The following ADGRL3 variants were observed in gnomAD, a reference collection of about 807,000 sequenced individuals.
ADGRL3 encodes adhesion G protein-coupled receptor L3, also known as calcium-independent alpha-latrotoxin receptor 3.
In ADGRL3, 62 loss-of-function variants were observed where a neutral mutation model predicts 153.5. The observed-to-expected ratio is 0.40, with a 90% CI of 0.33 to 0.50. The LOEUF is 0.50. Ranked by LOEUF, ADGRL3 falls within the 20% of genes least tolerant of loss-of-function variation. The pLI, the probability that ADGRL3 is intolerant of heterozygous loss-of-function variation, is 0.47. For synonymous variants in ADGRL3, 710 were observed against 672.5 expected (o/e 1.06, Z -0.86); for missense variants, 1,641 against 1,859.4 (o/e 0.88, Z 2.16).
At chr4:61,446,214 T>C (rs1462644083) in intron 2 of ADGRL3, among the ~76,000 whole-genome samples, 2 of 152,182 alleles carry the variant, frequency 1.3e-5, no homozygotes, top group Non-Finnish European at 2.9e-5. Context: ...CACTTTCTTT[T>C]GTAAGTGGAA....
At chr4:61,407,494 T>C (rs981531091) in intron 2 of ADGRL3, among the ~76,000 whole-genome samples, 1 of 152,130 alleles carries the variant, frequency 6.6e-6, no homozygotes, top group African/African-American at 2.4e-5. Context: ...TCTCACAAAT[T>C]TTCTGTATTC....
intron 9 of ADGRL3, among the ~76,000 whole-genome samples, chr4:61,857,084 TTTTCTTTCTTTC>T (rs1043841689): frequency 2.7e-5 from 4 of 150,656 alleles, no homozygotes; most frequent in Non-Finnish European, 4.4e-5. Context: ...TTCTTTCTTT[TTTTCTTTCTTTC>T]TTTCTTTTCT....
intron 1 of ADGRL3, among the ~76,000 whole-genome samples, chr4:61,317,269 A>G (rs974966991): frequency 1.3e-5 from 2 of 152,214 alleles, no homozygotes; most frequent in Non-Finnish European, 2.9e-5. Flanking sequence ...TGGCAGACCA[A>G]TATCTTAGCT....
intron 4 of ADGRL3, among the ~76,000 whole-genome samples, chr4:61,528,227 A>G (rs908897840): frequency 6.6e-6 from 1 of 152,112 alleles, no homozygotes; most frequent in African/African-American, 2.4e-5. Context: ...GAAAAATTCT[A>G]TCACTTGCAG....
intron 8 of ADGRL3, among the ~76,000 whole-genome samples, chr4:61,754,682 A>C (rs900533776): frequency 6.6e-6 from 1 of 152,058 alleles, no homozygotes; most frequent in Non-Finnish European, 1.5e-5. Context: ...GGTTAGTTAC[A>C]TATGTATACA....
chr4:61,274,858 A>G (rs35289145), intron 1 of ADGRL3, among the ~76,000 whole-genome samples: 47,665 of 151,942 alleles, frequency 0.31, 8,004 homozygotes, highest in East Asian at 0.42. Context: ...GGAGCCCAGA[A>G]GATCAAGGCT....
At chr4:61,753,251 A>T (rs1215922587) in intron 8 of ADGRL3, among the ~76,000 whole-genome samples, 2 of 151,406 alleles carry the variant, frequency 1.3e-5, no homozygotes, top group East Asian at 1.9e-4. Context: ...AAAAACAAAG[A>T]TGAAAAAGAT....
Position 62,072,458 on chromosome 4 carries a change from A to G in ADGRL3, c.*1550A>G, listed in dbSNP as rs775628671. 1 of 152,562 alleles carries G rather than the reference A, an allele frequency of 6.6e-6. No homozygotes were observed. The highest frequency in any genetic ancestry group is 2.4e-5 in the African/African-American group (1 of 41,454). 9.5% of individuals were successfully genotyped at this position (152,562 alleles called of 1,614,324 possible). ...GATTTAGAAGATATTGTATTGATGT[A>G]TGTACTATATGATTAATCAGTCTTT... On this transcript the variant is annotated 3_prime_UTR_variant, in exon 27 of 27. Coordinates refer to ENST00000683033, the MANE Select transcript of ADGRL3 (RefSeq NM_001387552.1).
intron 1 of ADGRL3, among the ~76,000 whole-genome samples, chr4:61,290,924 A>T (rs764929677): frequency 6.6e-6 from 1 of 152,058 alleles, no homozygotes; most frequent in Non-Finnish European, 1.5e-5. Context: ...GCAAAATATT[A>T]AAAATGAAGG....
intron 19 of ADGRL3, among the ~76,000 whole-genome samples, chr4:61,987,314 C>T (rs1465441039): frequency 2.0e-5 from 3 of 151,896 alleles, no homozygotes; most frequent in Non-Finnish European, 4.4e-5. Flanking sequence ...GCTGGGATTA[C>T]AGGCATGCAC....
chr4:61,516,863 C>CT (rs1175919693), intron 3 of ADGRL3, among the ~76,000 whole-genome samples: 7 of 152,094 alleles, frequency 4.6e-5, no homozygotes, highest in Non-Finnish European at 8.8e-5. Flanking sequence ...CTGGGACTTT[C>CT]TTTACCCATT....
At chr4:61,517,696 A>G (rs1251357175) in intron 4 of ADGRL3, among the ~76,000 whole-genome samples, 178 bp downstream of exon 4, 2 of 152,138 alleles carry the variant, frequency 1.3e-5, no homozygotes, top group Non-Finnish European at 2.9e-5. Flanking sequence ...GGCTTATACA[A>G]TGCATGCCTG....
intron 25 of ADGRL3, among the ~76,000 whole-genome samples, chr4:62,046,734 G>A (rs1329599414): frequency 6.6e-6 from 1 of 151,904 alleles, no homozygotes; most frequent in African/African-American, 2.4e-5. Flanking sequence ...TTCACTTAGT[G>A]ACTTTATTTG....
chr4:61,405,512 T>G (rs1291325633), intron 2 of ADGRL3, among the ~76,000 whole-genome samples: 1 of 151,988 alleles, frequency 6.6e-6, no homozygotes, highest in East Asian at 1.9e-4. Flanking sequence ...TCATAAGAAC[T>G]GTCCATTAAG....
intron 4 of ADGRL3, among the ~76,000 whole-genome samples, chr4:61,549,978 A>C (rs955674828): frequency 2.6e-5 from 4 of 152,094 alleles, no homozygotes; most frequent in Non-Finnish European, 5.9e-5. Flanking sequence ...TATACATTTA[A>C]AAATTGTAGT....
intron 21 of ADGRL3, among the ~76,000 whole-genome samples, chr4:62,005,379 A>G (rs1172577313): frequency 1.3e-5 from 2 of 152,134 alleles, no homozygotes; most frequent in African/African-American, 2.4e-5. Flanking sequence ...CACATTTGAG[A>G]AAACTGGTTT....
At chr4:61,617,553 A>T (rs2092137087) in intron 5 of ADGRL3, among the ~76,000 whole-genome samples, 1 of 152,158 alleles carries the variant, frequency 6.6e-6, no homozygotes, top group African/African-American at 2.4e-5. Flanking sequence ...ATTACTGCAA[A>T]GTTTCCTGTA....
At chr4:61,366,276 C>T (rs371857190) in intron 1 of ADGRL3, among the ~76,000 whole-genome samples, 5 of 152,092 alleles carry the variant, frequency 3.3e-5, no homozygotes, top group Non-Finnish European at 7.4e-5. Context: ...ATTTAAGTGG[C>T]AGTAATTTGG....
chr4:61,543,172 C>T (rs889885553), intron 4 of ADGRL3, among the ~76,000 whole-genome samples: 8 of 131,394 alleles, frequency 6.1e-5, no homozygotes, highest in African/African-American at 1.4e-4. Context: ...CCAGAAATAT[C>T]CACATTTGAA....
Sources: allele counts gnomAD v4.1 joint callset (sites outside exome capture counted in the v4.1 genomes callset), GRCh38; gene constraint gnomAD v4.1.1; transcripts MANE v1.5; gene names NCBI Gene and HGNC (gene_info 2026-07-23, HGNC 2026-07-21).